LRRTM3: variants seen among roughly 807,000 people sequenced by gnomAD.
LRRTM3 encodes leucine rich repeat transmembrane neuronal 3.
In LRRTM3, 24 loss-of-function variants were observed where a neutral mutation model predicts 44.7. The observed-to-expected ratio is 0.54, with a 90% CI of 0.39 to 0.76. LRRTM3 has a LOEUF of 0.76. LRRTM3 is among the 30% of genes least tolerant of loss of function. The pLI is 0.00. For missense variants in LRRTM3, 587 were observed against 702.2 expected (o/e 0.84, Z 1.85); for synonymous variants, 277 against 278.7 (o/e 0.99, Z 0.06).
At position 66,963,841 on chromosome 10, in the gene LRRTM3, A is replaced by G. The variant is rs553905000; in HGVS notation, c.1536+35389A>G. On this transcript the variant is annotated intron_variant, in intron 2 of 2. Coordinates refer to ENST00000361320, the MANE Select transcript of LRRTM3 (RefSeq NM_178011.5). ...TTTGTTGTTTTATCAGTGCATAGACATCAATTTTTTTTTTTTTTTTAAGAT... is the reference window on the plus strand; with the variant it reads ...TTTGTTGTTTTATCAGTGCATAGACGTCAATTTTTTTTTTTTTTTTAAGAT... Among the ~76,000 whole-genome samples, 440 of 108,232 alleles carry G rather than the reference A, an allele frequency of 4.1e-3. 3 individuals carry two copies. Among genetic ancestry groups the G allele is most frequent in the Non-Finnish European group, 7.1e-3 (367 of 51,560 alleles). 71.0% of individuals were successfully genotyped at this position (108,232 alleles called of 152,430 possible).
At chr10:67,012,330 A>G (rs1183818494) in intron 2 of LRRTM3, 1 of 152,152 alleles carries the variant, frequency 6.6e-6, no homozygotes, top group Non-Finnish European at 1.5e-5. Flanking sequence ...TCGGTGCCAG[A>G]TCTCCTAGAT....
chr10:67,101,081 C>T lies in LRRTM3; in HGVS notation c.*3285C>T, dbSNP rs1435187002. ...TCTACTCTGGGCTCTCACATTAAAA[C>T]TCTGTTCAAAAAGTTTAACAAGTCA... On this transcript the variant is annotated 3_prime_UTR_variant, in exon 3 of 3. Coordinates refer to ENST00000361320, the MANE Select transcript of LRRTM3 (RefSeq NM_178011.5). Among the ~76,000 whole-genome samples, 1 of 151,758 alleles carries T rather than the reference C, an allele frequency of 6.6e-6. No homozygotes were observed. The highest frequency in any genetic ancestry group is 2.4e-5 in the African/African-American group (1 of 41,392).
chr10:66,975,284 ATAAGTAC>A (rs1217063859), intron 2 of LRRTM3, among the ~76,000 whole-genome samples: 1 of 152,182 alleles, frequency 6.6e-6, no homozygotes, highest in Non-Finnish European at 1.5e-5. Flanking sequence ...ATTAATAGTA[ATAAGTAC>A]TATCTGTGAG....
At chr10:67,049,305 G>A (rs551093694) in intron 2 of LRRTM3, among the ~76,000 whole-genome samples, 1 of 152,006 alleles carries the variant, frequency 6.6e-6, no homozygotes, top group Admixed American at 6.6e-5. Context: ...AACCAATGAT[G>A]AAGGCTCAAC....
chr10:67,042,099 T>C (rs1564849845), intron 2 of LRRTM3, among the ~76,000 whole-genome samples: 1 of 152,176 alleles, frequency 6.6e-6, no homozygotes, highest in Non-Finnish European at 1.5e-5. Flanking sequence ...GACTTTTTAA[T>C]AAACAGGAGA....
chr10:67,055,668 C>T (rs1320773589), intron 2 of LRRTM3, among the ~76,000 whole-genome samples: 1 of 152,078 alleles, frequency 6.6e-6, no homozygotes, highest in Non-Finnish European at 1.5e-5. Flanking sequence ...TTACCATGGG[C>T]TTTGTTCTTT....
chr10:67,084,371 A>C (rs1339387436), intron 2 of LRRTM3, among the ~76,000 whole-genome samples: 2 of 152,002 alleles, frequency 1.3e-5, no homozygotes, highest in African/African-American at 4.8e-5. Flanking sequence ...CAAGTTAAAA[A>C]TTTTTATATT....
intron 2 of LRRTM3, among the ~76,000 whole-genome samples, chr10:66,996,649 C>CAAAAAAAAAAAA (rs57025097): frequency 0.11 from 7,482 of 67,650 alleles, 1,553 homozygotes; most frequent in East Asian, 0.2. Context: ...TCCGTCTCTA[C>CAAAAAAAAAAAA]AAAAAAAAAA....
chr10:67,069,124 T>C (rs1467466000), intron 2 of LRRTM3, among the ~76,000 whole-genome samples: 2 of 151,936 alleles, frequency 1.3e-5, no homozygotes, highest in African/African-American at 4.8e-5. Flanking sequence ...AGAAGTGGCA[T>C]GAGTTTAAGA....
intron 2 of LRRTM3, among the ~76,000 whole-genome samples, chr10:67,018,336 C>G (rs1046679046): frequency 2.2e-4 from 34 of 152,224 alleles, no homozygotes; most frequent in African/African-American, 7.9e-4. Flanking sequence ...TTCCTGATTC[C>G]TGATTTTCTT....
intron 2 of LRRTM3, among the ~76,000 whole-genome samples, chr10:66,936,202 G>A (rs1224584406): frequency 6.6e-6 from 1 of 151,990 alleles, no homozygotes. Context: ...ACAGATGTGT[G>A]GAGTCTTTAT....
intron 2 of LRRTM3, among the ~76,000 whole-genome samples, chr10:67,014,142 A>G (rs960347288): frequency 1.6e-4 from 24 of 152,176 alleles, no homozygotes; most frequent in Non-Finnish European, 2.6e-4. Flanking sequence ...TGCACTAATC[A>G]TTTCACTAGA....
At chr10:67,058,399 C>T (rs1344128620) in intron 2 of LRRTM3, among the ~76,000 whole-genome samples, 1 of 152,098 alleles carries the variant, frequency 6.6e-6, no homozygotes, top group Non-Finnish European at 1.5e-5. Context: ...TTTTTAAAGT[C>T]CACCACAGGT....
intron 2 of LRRTM3, among the ~76,000 whole-genome samples, chr10:66,993,219 C>G (rs1457056249): frequency 6.6e-6 from 1 of 152,026 alleles, no homozygotes; most frequent in African/African-American, 2.4e-5. Flanking sequence ...CTCTATGTGG[C>G]TATTTGAGCT....
chr10:67,091,790 A>G (rs768722845), intron 2 of LRRTM3, among the ~76,000 whole-genome samples: 28 of 152,050 alleles, frequency 1.8e-4, no homozygotes, highest in Non-Finnish European at 3.7e-4. Flanking sequence ...TAGATGGGCA[A>G]CAAGTAGATT....
chr10:67,070,593 G>C (rs1171751716), intron 2 of LRRTM3, among the ~76,000 whole-genome samples: 2 of 151,766 alleles, frequency 1.3e-5, no homozygotes, highest in Non-Finnish European at 2.9e-5. Flanking sequence ...GTAAAATACA[G>C]AAAATTAGCT....
intron 2 of LRRTM3, among the ~76,000 whole-genome samples, chr10:66,958,918 G>A (rs566041977): frequency 1.0e-3 from 156 of 152,236 alleles, no homozygotes; most frequent in African/African-American, 3.4e-3. Context: ...TTATAGGTCA[G>A]ATATCATTTA....
At chr10:66,955,372 G>A (rs919585393) in intron 2 of LRRTM3, among the ~76,000 whole-genome samples, 2 of 152,146 alleles carry the variant, frequency 1.3e-5, no homozygotes, top group Non-Finnish European at 2.9e-5. Context: ...AGGCACTATA[G>A]AAATGTATAA....
chr10:67,079,017 A>T (rs144133769), intron 2 of LRRTM3, among the ~76,000 whole-genome samples: 7 of 152,136 alleles, frequency 4.6e-5, no homozygotes, highest in Admixed American at 6.6e-5. Context: ...TACAATTTCT[A>T]AGACACTCTT....
Sources: allele counts gnomAD v4.1 joint callset (sites outside exome capture counted in the v4.1 genomes callset), GRCh38; gene constraint gnomAD v4.1.1; transcripts MANE v1.5; gene names NCBI Gene and HGNC (gene_info 2026-07-23, HGNC 2026-07-21).